LPIN1: variants seen among roughly 807,000 people sequenced by gnomAD.
LPIN1 encodes the protein phosphatidate phosphatase LPIN1.
Under a neutral mutation model 107.5 loss-of-function variants are expected in LPIN1, and 71 were observed. The ratio of observed to expected loss-of-function variants is 0.66; its 90% CI spans 0.55 to 0.80. The LOEUF is 0.80. LPIN1 is among the 30% of genes least tolerant of loss of function. The pLI is 0.00. For synonymous variants in LPIN1, 445 were observed against 452.6 expected, an observed-to-expected ratio of 0.98 and a Z score of 0.21; for missense variants, 1,043 against 1,160.6, an observed-to-expected ratio of 0.90 and a Z score of 1.47.
chr2:11,741,002 A>AAT lies in LPIN1; in HGVS notation c.-71-346_-71-345dup, dbSNP rs1340776956. On this transcript the variant is annotated intron_variant, in intron 1 of 21. Transcript: ENST00000396097. ...CTTCTCATAAATTTCTTCCCAGAGC[A>AAT]ATCAGAGATGCTGCATCCAGTTTAC... 15 of 175,886 alleles carry AAT rather than the reference A, an allele frequency of 8.5e-5. No individual in the cohort carries two copies. In the East Asian group the frequency reaches 2.3e-3, roughly 27 times the overall value. 10.9% of individuals were successfully genotyped at this position (175,886 alleles called of 1,614,324 possible).
In LPIN1 at chr2:11,771,389, C is replaced by T; in HGVS notation, c.306C>T (p.His102=). ...TDNDQEVIPM[H]LATSPILSEG... ...TTTCTTAGGAAGTTATCCCTATGCA[C>T]CTGGCCACCTCCCCCATCCTGTCAG... The change falls in exon 4 of 21, where the codon CAC becomes CAT. Residue 102 remains histidine, a synonymous_variant. Coordinates refer to ENST00000674199, the MANE Select transcript of LPIN1 (RefSeq NM_001349206.2). This position sits in a 1 kb window ranked among gnomAD's most constrained non-coding sequence, Gnocchi z 4.8. The T allele has an allele frequency of 2.0e-5, 32 of 1,614,196 alleles. No individual in the cohort carries two copies. The highest frequency in any genetic ancestry group is 2.7e-5 in the Non-Finnish European group (32 of 1,180,032).
At chr2:11,795,600 T>C in intron 14 of LPIN1, 113 bp downstream of exon 14, 2 of 988,780 alleles carry the variant, frequency 2.0e-6, no homozygotes, top group Admixed American at 1.8e-5. Context: ...TCTGGCTCTG[T>C]GATTCACTTG....
intron 1 of LPIN1, among the ~76,000 whole-genome samples, chr2:11,750,638 T>G (rs10207506): frequency 6.6e-6 from 1 of 152,072 alleles, no homozygotes; most frequent in Non-Finnish European, 1.5e-5. Context: ...ACAACAGTCC[T>G]ATGAGGTGGC....
chr2:11,680,333 C>A (rs1661647074), intron 1 of LPIN1, among the ~76,000 whole-genome samples: 1 of 152,334 alleles, frequency 6.6e-6, no homozygotes. Context: ...GTGCTGTTGG[C>A]CATGGCCATT....
At chr2:11,799,329 A>C (rs1479139260) in intron 14 of LPIN1, among the ~76,000 whole-genome samples, 1 of 151,788 alleles carries the variant, frequency 6.6e-6, no homozygotes, top group Non-Finnish European at 1.5e-5. Flanking sequence ...GGTACACATC[A>C]ATCTGTTGTC....
At chr2:11,794,005 C>G (rs904425560) in intron 13 of LPIN1, among the ~76,000 whole-genome samples, 5 of 152,172 alleles carry the variant, frequency 3.3e-5, no homozygotes, top group Non-Finnish European at 2.9e-5. Context: ...TTATTTTAAT[C>G]ATAAACTGCC....
chr2:11,768,726 G>A (rs1250857076), intron 3 of LPIN1, among the ~76,000 whole-genome samples: 1 of 152,120 alleles, frequency 6.6e-6, no homozygotes, highest in Non-Finnish European at 1.5e-5. Flanking sequence ...CACGAGGTCA[G>A]GAGATAGAGA....
intron 17 of LPIN1, among the ~76,000 whole-genome samples, chr2:11,814,614 G>A (rs1425181025): frequency 6.6e-6 from 1 of 151,912 alleles, no homozygotes; most frequent in African/African-American, 2.4e-5. Flanking sequence ...ATGTGCTGAT[G>A]TGAATTACCC....
Position 11,765,389 on chromosome 2 carries a change from T to C in LPIN1, c.-9-144T>C. ...GATGGACCCTGATGGGCTATGGGGG[T>C]GGATAGAACACATTCCGGAAATGAG... On this transcript the variant is annotated intron_variant, in intron 1 of 20. Coordinates refer to ENST00000674199, the MANE Select transcript of LPIN1 (RefSeq NM_001349206.2). This position sits in a 1 kb window ranked among gnomAD's most constrained non-coding sequence, Gnocchi z 4.4. The C allele has an allele frequency of 1.4e-6, 1 of 718,490 alleles. No individual in the cohort carries two copies. The highest frequency in any genetic ancestry group is 2.7e-5 in the Admixed American group (1 of 37,574). 44.5% of individuals were successfully genotyped at this position (718,490 alleles called of 1,614,324 possible). A position where few individuals can be genotyped will look rare whatever the true frequency, so the allele number is the denominator to read the frequency against.
chr2:11,801,888 C>T (rs1455390016), intron 14 of LPIN1, among the ~76,000 whole-genome samples: 1 of 151,530 alleles, frequency 6.6e-6, no homozygotes, highest in Non-Finnish European at 1.5e-5. Context: ...TTACATGCAC[C>T]CCATAAATAT....
At chr2:11,715,275 C>T (rs1663658201) in intron 2 of LPIN1, among the ~76,000 whole-genome samples, 1 of 152,174 alleles carries the variant, frequency 6.6e-6, no homozygotes, top group Admixed American at 6.5e-5. Flanking sequence ...AGCTTCTGGC[C>T]CCACGTGCAG....
intron 2 of LPIN1, among the ~76,000 whole-genome samples, chr2:11,715,104 T>C (rs1002993593): frequency 2.6e-5 from 4 of 152,190 alleles, no homozygotes; most frequent in Non-Finnish European, 5.9e-5. Flanking sequence ...GAAGCTCCGC[T>C]CTGTGAGAAG....
chr2:11,787,824 C>G (rs1674919288), intron 11 of LPIN1, among the ~76,000 whole-genome samples: 1 of 151,850 alleles, frequency 6.6e-6, no homozygotes, highest in Non-Finnish European at 1.5e-5. Context: ...GCCTGTAGTT[C>G]CAGCTACTCG....
Position 11,782,195 on chromosome 2 carries a change from C to T in LPIN1, c.958-6C>T, listed in dbSNP as rs1408554958. On this transcript the variant is annotated splice_polypyrimidine_tract_variant and splice_region_variant and intron_variant, in intron 7 of 20. Coordinates refer to ENST00000674199, the MANE Select transcript of LPIN1 (RefSeq NM_001349206.2). Reference sequence around the variant, plus strand: ...TCTCTCTGTCCCTCTCTCCTCTTTGCTCTAGTCTTCTTCTCCACACAAGAT... The same window carrying T: ...TCTCTCTGTCCCTCTCTCCTCTTTGTTCTAGTCTTCTTCTCCACACAAGAT... 1.2e-6 allele frequency: 2 copies of T among 1,610,586 alleles called. No individual in the cohort carries two copies. The highest frequency in any genetic ancestry group is 1.7e-6 in the Non-Finnish European group (2 of 1,177,084).
chr2:11,768,603 T>C (rs1465839699), intron 3 of LPIN1, among the ~76,000 whole-genome samples: 3 of 152,194 alleles, frequency 2.0e-5, no homozygotes, highest in Non-Finnish European at 4.4e-5. Context: ...TTCCATTGTA[T>C]CTATAGACCA....
chr2:11,820,379 T>C (rs1681304819), intron 19 of LPIN1, 32 bp from the exon 20 acceptor site: 4 of 1,400,946 alleles, frequency 2.9e-6, no homozygotes, highest in East Asian at 4.6e-5. Context: ...TCTTTTCTAA[T>C]GAACACTTTA....
At chr2:11,761,476 T>C (rs1189314146) in intron 1 of LPIN1, among the ~76,000 whole-genome samples, 1 of 152,238 alleles carries the variant, frequency 6.6e-6, no homozygotes. Flanking sequence ...GTGTGTTTAC[T>C]AAGGGCTGGG....
chr2:11,768,234 G>A (rs554303027), intron 3 of LPIN1, among the ~76,000 whole-genome samples: 119 of 152,292 alleles, frequency 7.8e-4, no homozygotes, highest in Admixed American at 2.7e-3. Flanking sequence ...TATTTTAAAA[G>A]CTTTATTGAG....
intron 1 of LPIN1, chr2:11,741,289 A>G (rs760919168): frequency 2.2e-5 from 27 of 1,209,648 alleles, no homozygotes; most frequent in Non-Finnish European, 3.1e-5. Context: ...GGTCATTTTC[A>G]TTCTCGAGAG....
Sources: gnomAD v4.1 joint callset for allele counts (sites outside exome capture counted in the v4.1 genomes callset) on GRCh38, gnomAD v4.1.1 for gene constraint, Gnocchi (gnomAD v3.1) non-coding constraint, MANE v1.5 for transcripts, NCBI Gene and HGNC (gene_info 2026-07-23, HGNC 2026-07-21) for gene names.